The following GPC5 variants were observed in gnomAD, a reference collection of about 807,000 sequenced individuals.
GPC5 encodes glypican-5.
GPC5 carries 47 observed loss-of-function variants against 53.9 expected under a neutral mutation model. The ratio of observed to expected loss-of-function variants is 0.87; its 90% confidence interval spans 0.69 to 1.11. The LOEUF is 1.11. GPC5 is among the 50% of genes most tolerant of loss of function. The pLI is 0.00. For synonymous variants in GPC5, 286 were observed against 263.3 expected, an observed-to-expected ratio of 1.09 and a Z score of -0.84; for missense variants, 748 against 713.1, an observed-to-expected ratio of 1.05 and a Z score of -0.56.
intron 6 of GPC5, among the ~76,000 whole-genome samples, chr13:92,002,362 C>T (rs1042817880): frequency 6.6e-6 from 1 of 152,198 alleles, no homozygotes; most frequent in African/African-American, 2.4e-5. Flanking sequence ...AAATTTTACT[C>T]TTGTCACCCA....
At chr13:91,922,571 C>T (rs2039726272) in intron 6 of GPC5, among the ~76,000 whole-genome samples, 1 of 152,250 alleles carries the variant, frequency 6.6e-6, no homozygotes, top group African/African-American at 2.4e-5. Flanking sequence ...CTCTGTAACT[C>T]TTAGTCATTC....
In GPC5 at chr13:91,571,838, C is replaced by T. The variant is rs1309152595; in HGVS notation, c.326-121349C>T. On this transcript the variant is annotated intron_variant, in intron 2 of 7. Coordinates refer to ENST00000377067, the MANE Select transcript of GPC5 (RefSeq NM_004466.6). ...ACGTGTGTGTATATATACACATATACTTGTGTGTATATACACATATACGTG... is the reference window on the plus strand; with the variant it reads ...ACGTGTGTGTATATATACACATATATTTGTGTGTATATACACATATACGTG... 3.1e-4 allele frequency among the ~76,000 whole-genome samples: 19 copies of T among 61,624 alleles called. 1 individual carries two copies. Among genetic ancestry groups the T allele is most frequent in the East Asian group, 1.3e-3 (3 of 2,280 alleles). The allele number at this position is 61,624 out of a possible 152,430, so 40.4% of individuals were successfully genotyped here.
At chr13:92,523,241 AT>A (rs1207193746) in intron 7 of GPC5, among the ~76,000 whole-genome samples, 3 of 152,136 alleles carry the variant, frequency 2.0e-5, no homozygotes, top group Non-Finnish European at 4.4e-5. Flanking sequence ...AAACTCAAAG[AT>A]AAGTAACACC....
chr13:92,526,651 G>A (rs985766593), intron 7 of GPC5, among the ~76,000 whole-genome samples: 4 of 151,854 alleles, frequency 2.6e-5, no homozygotes, highest in Non-Finnish European at 5.9e-5. Context: ...GATGTTTTAG[G>A]GGGATGGATA....
At chr13:92,704,776 T>G (rs548580998) in intron 7 of GPC5, among the ~76,000 whole-genome samples, 1 of 150,034 alleles carries the variant, frequency 6.7e-6, no homozygotes, top group East Asian at 2.0e-4. Flanking sequence ...ATATTTTGCT[T>G]AAGAGTATAT....
chr13:92,414,761 T>C (rs1422163482), intron 7 of GPC5, among the ~76,000 whole-genome samples: 2 of 152,106 alleles, frequency 1.3e-5, no homozygotes, highest in Admixed American at 6.5e-5. Context: ...AAGGCAGTGG[T>C]AGATTGATTG....
At chr13:92,576,748 T>A (rs1309248834) in intron 7 of GPC5, among the ~76,000 whole-genome samples, 7 of 152,174 alleles carry the variant, frequency 4.6e-5, no homozygotes, top group Admixed American at 1.3e-4. Flanking sequence ...TGACTTTTAG[T>A]AAAACTTCTC....
chr13:92,046,116 A>G (rs539008560), intron 6 of GPC5, among the ~76,000 whole-genome samples: 1 of 114,582 alleles, frequency 8.7e-6, no homozygotes, highest in Non-Finnish European at 1.9e-5. Context: ...AGACTATATC[A>G]AACAGAAAAA....
chr13:92,019,703 A>T (rs759860659), intron 6 of GPC5, among the ~76,000 whole-genome samples: 1 of 152,112 alleles, frequency 6.6e-6, no homozygotes, highest in African/African-American at 2.4e-5. Flanking sequence ...ATCAATAATA[A>T]CCAAAATAAA....
intron 7 of GPC5, among the ~76,000 whole-genome samples, chr13:92,644,396 A>G (rs1885697280): frequency 6.6e-6 from 1 of 152,284 alleles, no homozygotes; most frequent in African/African-American, 2.4e-5. Flanking sequence ...GACTAAACAA[A>G]TTAGAGTATA....
At chr13:91,571,906 GTATATATACACATATTGTA>G (rs2031858333) in intron 2 of GPC5, among the ~76,000 whole-genome samples, 3 of 80,432 alleles carry the variant, frequency 3.7e-5, no homozygotes, top group African/African-American at 1.3e-4. Context: ...TACACATATT[GTATATATACACATATTGTA>G]TATATACACA....
At chr13:92,365,820 T>A (rs780348678) in intron 7 of GPC5, among the ~76,000 whole-genome samples, 5 of 151,436 alleles carry the variant, frequency 3.3e-5, no homozygotes, top group Non-Finnish European at 2.9e-5. Context: ...CATGGATCTA[T>A]CATTACCTAC....
intron 6 of GPC5, among the ~76,000 whole-genome samples, chr13:92,005,895 A>G (rs1330508817): frequency 6.6e-6 from 1 of 152,216 alleles, no homozygotes; most frequent in Non-Finnish European, 1.5e-5. Flanking sequence ...AGTTACTCAT[A>G]GATAGTGGGA....
chr13:91,404,762 G>A (rs780567823), intron 1 of GPC5, among the ~76,000 whole-genome samples: 1 of 152,144 alleles, frequency 6.6e-6, no homozygotes, highest in Non-Finnish European at 1.5e-5. Flanking sequence ...AAGAATGTAT[G>A]TTTTCTTAAA....
intron 6 of GPC5, among the ~76,000 whole-genome samples, chr13:92,123,535 G>A (rs766324072): frequency 6.6e-5 from 10 of 152,100 alleles, no homozygotes; most frequent in Non-Finnish European, 1.3e-4. Context: ...TACAAGTTTG[G>A]ACTTGCAAAA....
chr13:91,966,429 T>C (rs907562034), intron 6 of GPC5, among the ~76,000 whole-genome samples: 3 of 152,156 alleles, frequency 2.0e-5, no homozygotes, highest in Admixed American at 6.6e-5. Context: ...AGGAAGAATA[T>C]AGACCATACA....
At chr13:92,706,165 T>A (rs1887944555) in intron 7 of GPC5, 1 of 152,046 alleles carries the variant, frequency 6.6e-6, no homozygotes, top group African/African-American at 2.4e-5. Context: ...CAGAAAAAAA[T>A]TCCTTTAATA....
chr13:92,436,592 A>G (rs1235140290), intron 7 of GPC5, among the ~76,000 whole-genome samples: 1 of 152,186 alleles, frequency 6.6e-6, no homozygotes, highest in Non-Finnish European at 1.5e-5. Flanking sequence ...TTGTAATTCT[A>G]TACCTTAATT....
chr13:92,346,380 C>G (rs1043674567), intron 7 of GPC5, among the ~76,000 whole-genome samples: 2 of 152,166 alleles, frequency 1.3e-5, no homozygotes, highest in African/African-American at 2.4e-5. Flanking sequence ...AGCAGCTCTT[C>G]CTGACAGCAG....
Sources: allele counts gnomAD v4.1 joint callset (sites outside exome capture counted in the v4.1 genomes callset), GRCh38; gene constraint gnomAD v4.1.1; transcripts MANE v1.5; gene names NCBI Gene and HGNC (gene_info 2026-07-23, HGNC 2026-07-21).